Variants in ZNF134 observed in about 807,000 individuals in gnomAD.
The protein encoded by ZNF134 is zinc finger protein 134.
Under a neutral mutation model 2.5 loss-of-function variants are expected in ZNF134, and 5 were observed. The observed-to-expected ratio is 2.03, with a 90% CI of 1.06 to 4.27. The LOEUF is 4.27. Ranked by LOEUF, ZNF134 falls within the 30% of genes most tolerant of loss-of-function variation. The pLI is 0.00. For missense variants in ZNF134, 540 were observed against 517.5 expected (o/e 1.04, Z -0.42); for synonymous variants, 176 against 176.2 (o/e 1.00, Z 0.01).
rs541671079 is a variant in ZNF134 at position 57,621,935 on chromosome 19, G to A, written c.*532G>A. On this transcript the variant is annotated 3_prime_UTR_variant, in exon 3 of 3. Coordinates refer to ENST00000396161, the MANE Select transcript of ZNF134 (RefSeq NM_003435.5). ...TACAGTTTAAGCCACATTTAATCTT[G>A]GGGCTTCTTCTTATGGTCTGGGGTG... The A allele has an allele frequency of 3.2e-5, 7 of 217,248 alleles. No individual in the cohort carries two copies. The highest frequency in any genetic ancestry group is 1.6e-4 in the African/African-American group (7 of 43,800). 13.5% of individuals were successfully genotyped at this position (217,248 alleles called of 1,614,324 possible).
In ZNF134 at chr19:57,620,778, T is replaced by C; in HGVS notation, c.659T>C (p.Val220Ala). 6.2e-7 allele frequency: 1 copy of C among 1,614,146 alleles called. No individual in the cohort carries two copies. Among genetic ancestry groups the C allele is most frequent in the South Asian group, 1.1e-5 (1 of 91,086 alleles). Reference protein sequence around the residue: ...GKAFSRKATLVQHQRIHTGER... With the variant: ...GKAFSRKATLAQHQRIHTGER... ...GCCTTCAGCCGCAAAGCTACACTTG[T>C]CCAGCATCAGAGAATCCATACTGGA... The change falls in exon 3 of 3, where the codon GTC (valine) becomes GCC (alanine). Residue 220 changes from valine (V) to alanine (A), a missense_variant. Val to Ala is a moderately conservative substitution (Grantham distance 64, BLOSUM62 0). Coordinates refer to ENST00000396161, the MANE Select transcript of ZNF134 (RefSeq NM_003435.5).
rs1981289268 is a variant in ZNF134 at position 57,623,414 on chromosome 19, T to G, written c.*2011T>G. The G allele has an allele frequency of 6.6e-6, 1 of 152,150 alleles. No individual in the cohort carries two copies. Among genetic ancestry groups the G allele is most frequent in the Non-Finnish European group, 1.5e-5 (1 of 68,018 alleles). The allele number at this position is 152,150 out of a possible 1,614,324, so 9.4% of individuals were successfully genotyped here. A position where few individuals can be genotyped will look rare whatever the true frequency, so the allele number is the denominator to read the frequency against. On this transcript the variant is annotated 3_prime_UTR_variant, in exon 3 of 3. Transcript: ENST00000396161. ...GCTGAGAACATTTTTAAGCAGAGGTTTTGAAGGTGTGACCATATATCTTAC... is the reference window on the plus strand; with the variant it reads ...GCTGAGAACATTTTTAAGCAGAGGTGTTGAAGGTGTGACCATATATCTTAC...
chr19:57,614,399 G>A lies in ZNF134; in HGVS notation c.-162G>A, dbSNP rs780641961. 1 of 452,258 alleles carries A rather than the reference G, an allele frequency of 2.2e-6. No individual in the cohort carries two copies. The highest frequency in any genetic ancestry group is 1.6e-5 in the South Asian group (1 of 64,216). The allele number at this position is 452,258 out of a possible 1,614,324, so 28.0% of individuals were successfully genotyped here. A position where few individuals can be genotyped will look rare whatever the true frequency, so the allele number is the denominator to read the frequency against. On this transcript the variant is annotated 5_prime_UTR_variant, in exon 1 of 3. Coordinates refer to ENST00000396161, the MANE Select transcript of ZNF134 (RefSeq NM_003435.5). ...CGAAGACCCCGCCTGCGCCCCCGGG[G>A]ACGGACGACCGCGGTGCCAGGGTCC...
At chr19:57,619,769 G>C in intron 2 of ZNF134, 1 of 563,776 alleles carries the variant, frequency 1.8e-6, no homozygotes, top group South Asian at 2.5e-5. Context: ...TTACACTATT[G>C]TGTCATAAGA....
Position 57,620,792 on chromosome 19 carries a change from A to G in ZNF134, c.673A>G (p.Ile225Val). Residue 225 changes from isoleucine (I) to valine (V), a missense_variant, in exon 3 of 3, where the codon ATC becomes GTC. Physicochemically the swap from Ile to Val is conservative, Grantham distance 29. Transcript: ENST00000396161. Reference protein sequence around the residue: ...RKATLVQHQRIHTGERPYECS... With the variant: ...RKATLVQHQRVHTGERPYECS... ...AGCTACACTTGTCCAGCATCAGAGA[A>G]TCCATACTGGAGAAAGGCCTTATGA... 1 of 1,614,180 alleles carries G rather than the reference A, an allele frequency of 6.2e-7. No homozygotes were observed. The highest frequency in any genetic ancestry group is 8.5e-7 in the Non-Finnish European group (1 of 1,180,020).
intron 1 of ZNF134, among the ~76,000 whole-genome samples, chr19:57,615,600 A>G (rs1568629234): frequency 6.6e-6 from 1 of 152,168 alleles, no homozygotes; most frequent in African/African-American, 2.4e-5. Context: ...CACACTGAAC[A>G]AAGGAGGGAA....
In ZNF134 at chr19:57,619,439, A is replaced by G. The variant is rs901631711; in HGVS notation, c.-30A>G. The G allele has an allele frequency of 8.2e-6, 13 of 1,594,756 alleles. No individual in the cohort carries two copies. The highest frequency in any genetic ancestry group is 7.0e-5 in the Admixed American group (4 of 57,236). On this transcript the variant is annotated 5_prime_UTR_variant, in exon 2 of 3. Transcript: ENST00000396161. The stretch of plus-strand genomic sequence containing the variant: ...CCTCTGTGGTTGTTGAATTGTAACA[A>G]GAGAGAGAACTCTGGCTGCCTGAGA...
intron 1 of ZNF134, among the ~76,000 whole-genome samples, chr19:57,617,396 A>G (rs541494945): frequency 6.6e-6 from 1 of 152,304 alleles, no homozygotes; most frequent in South Asian, 2.1e-4. Context: ...AGTGGGACCA[A>G]CCAGATTTTC....
In ZNF134 at chr19:57,620,705, A is replaced by G; in HGVS notation, c.586A>G (p.Arg196Gly). The part of the protein sequence containing the change: ...SRKDTLVQHQ[R>G]IHSGEKPYEC... ...CAAAGACACACTTGTCCAGCACCAG[A>G]GAATTCATAGTGGAGAGAAGCCTTA... is the stretch of plus-strand genomic sequence containing the variant. Residue 196 changes from arginine to glycine, a missense_variant, in exon 3 of 3, where the codon AGA (arginine) becomes GGA (glycine). Physicochemically the swap from Arg to Gly is moderately radical, Grantham distance 125. Coordinates refer to ENST00000396161, the MANE Select transcript of ZNF134 (RefSeq NM_003435.5). 1 of 1,611,188 alleles carries G rather than the reference A, an allele frequency of 6.2e-7. No individual in the cohort carries two copies. The highest frequency in any genetic ancestry group is 8.5e-7 in the Non-Finnish European group (1 of 1,177,458).
At chr19:57,619,247 C>T (rs1981130860) in intron 1 of ZNF134, among the ~76,000 whole-genome samples, 165 bp from the exon 2 acceptor site, 1 of 152,220 alleles carries the variant, frequency 6.6e-6, no homozygotes, top group African/African-American at 2.4e-5. Flanking sequence ...TCCTCAATTT[C>T]AGTCATCATG....
Position 57,621,118 on chromosome 19 carries a change from ACAT to A in ZNF134, c.1002_1004del (p.His334del). 1 of 1,614,242 alleles carries A rather than the reference ACAT, an allele frequency of 6.2e-7. No individual in the cohort carries two copies. Among genetic ancestry groups the A allele is most frequent in the South Asian group, 1.1e-5 (1 of 91,086 alleles). ...TTGGCCACAAATACACCCTCATTAAACATCAGCGAATTCACACTGAGTCAAAGC... is the reference window on the plus strand; with the variant it reads ...TTGGCCACAAATACACCCTCATTAAACAGCGAATTCACACTGAGTCAAAGC... On this transcript the variant is annotated inframe_deletion, in exon 3 of 3. Coordinates refer to ENST00000396161, the MANE Select transcript of ZNF134 (RefSeq NM_003435.5).
At position 57,614,278 on chromosome 19, in the gene ZNF134, C is replaced by A. The variant is rs1002649293; in HGVS notation, c.-283C>A. On this transcript the variant is annotated 5_prime_UTR_variant, in exon 1 of 3. Transcript: ENST00000396161. ...CTTGTCGGCTCTTAGGTGGAACCAT[C>A]GGAGCAGAAGCTCGGGGTTGCTGGG... 1 of 448,238 alleles carries A rather than the reference C, an allele frequency of 2.2e-6. No individual in the cohort carries two copies. The allele number at this position is 448,238 out of a possible 1,614,324, so 27.8% of individuals were successfully genotyped here.
rs1374382246 is a variant in ZNF134 at position 57,622,012 on chromosome 19, A to G, written c.*609A>G. On this transcript the variant is annotated 3_prime_UTR_variant, in exon 3 of 3. Coordinates refer to ENST00000396161, the MANE Select transcript of ZNF134 (RefSeq NM_003435.5). ...AAGACAGCCTTTGTGCGGTGCCTCC[A>G]ACTTTGCCTCAAATGGGACAGTGGG... is the stretch of plus-strand genomic sequence containing the variant. 1.2e-5 allele frequency: 2 copies of G among 171,906 alleles called. No homozygotes were observed. Among genetic ancestry groups the G allele is most frequent in the East Asian group, 1.5e-4 (1 of 6,640 alleles). The allele number at this position is 171,906 out of a possible 1,614,324, so 10.6% of individuals were successfully genotyped here. A position where few individuals can be genotyped will look rare whatever the true frequency, so the allele number is the denominator to read the frequency against.
chr19:57,621,233 T>C lies in ZNF134; in HGVS notation c.1114T>C (p.Phe372Leu). Residue 372 changes from phenylalanine (F) to leucine (L), a missense_variant, in exon 3 of 3, where the codon TTT becomes CTT. Physicochemically the swap from Phe to Leu is conservative, Grantham distance 22. Transcript: ENST00000396161. ...GAGGGTTCACACTGGTGAAAGGCCT[T>C]TTGTGTGCAGTAAATGTGGGAAAGA... ...HQRVHTGERP[F>L]VCSKCGKDFI... 1 of 1,614,152 alleles carries C rather than the reference T, an allele frequency of 6.2e-7. No homozygotes were observed. The highest frequency in any genetic ancestry group is 8.5e-7 in the Non-Finnish European group (1 of 1,180,016).
chr19:57,622,007 C>A lies in ZNF134; in HGVS notation c.*604C>A. ...AACTGAAGACAGCCTTTGTGCGGTGCCTCCAACTTTGCCTCAAATGGGACA... is the reference window on the plus strand; with the variant it reads ...AACTGAAGACAGCCTTTGTGCGGTGACTCCAACTTTGCCTCAAATGGGACA... On this transcript the variant is annotated 3_prime_UTR_variant, in exon 3 of 3. Transcript: ENST00000396161. 1 of 172,542 alleles carries A rather than the reference C, an allele frequency of 5.8e-6. No homozygotes were observed. Among genetic ancestry groups the A allele is most frequent in the Non-Finnish European group, 1.3e-5 (1 of 78,618 alleles). The allele number at this position is 172,542 out of a possible 1,614,324, so 10.7% of individuals were successfully genotyped here.
intron 1 of ZNF134, among the ~76,000 whole-genome samples, chr19:57,618,345 C>T (rs931292702): frequency 6.6e-6 from 1 of 152,044 alleles, no homozygotes; most frequent in Non-Finnish European, 1.5e-5. Flanking sequence ...TGCAGATTTG[C>T]ATGTGGGGAA....
intron 1 of ZNF134, chr19:57,618,954 C>A (rs1981123430): frequency 6.3e-6 from 1 of 158,870 alleles, no homozygotes; most frequent in South Asian, 1.7e-4. Context: ...CTTTCCTTTC[C>A]ATAGCTAGAG....
chr19:57,620,219 G>C lies in ZNF134; in HGVS notation c.100G>C (p.Val34Leu), dbSNP rs751573015. ...SSSEQSISIAVSHVNTSKAGL... is the reference protein window; with the variant it reads ...SSSEQSISIALSHVNTSKAGL... ...TTCTGAACAGAGCATTTCTATAGCA[G>C]TGTCACATGTTAATACTTCCAAGGC... The change falls in exon 3 of 3, where the codon GTG (valine) becomes CTG (leucine). Residue 34 changes from valine (V) to leucine (L), a missense_variant. Physicochemically the swap from Val to Leu is conservative, Grantham distance 32. Coordinates refer to ENST00000396161, the MANE Select transcript of ZNF134 (RefSeq NM_003435.5). 2.8e-5 allele frequency: 46 copies of C among 1,614,108 alleles called. No homozygotes were observed. In the Admixed American group the frequency reaches 7.3e-4, roughly 26 times the overall value.
intron 2 of ZNF134, 128 bp downstream of exon 2, chr19:57,619,636 C>T (rs1313828816): frequency 1.4e-5 from 14 of 1,032,608 alleles, no homozygotes; most frequent in Non-Finnish European, 1.8e-5. Flanking sequence ...TATCCCCATT[C>T]TGTACACTCT....
Sources: allele counts gnomAD v4.1 joint callset (sites outside exome capture counted in the v4.1 genomes callset), GRCh38; gene constraint gnomAD v4.1.1; transcripts MANE v1.5; gene names NCBI Gene and HGNC (gene_info 2026-07-23, HGNC 2026-07-21).